The following PRSS48 variants were observed in gnomAD, a reference collection of about 807,000 sequenced individuals.
The protein encoded by PRSS48 is epidermis-specific serine protease-like protein.
In PRSS48, 21 loss-of-function variants were observed where a neutral mutation model predicts 25.6. That is an observed-to-expected ratio of 0.82 (90% CI 0.58 to 1.18). PRSS48 has a LOEUF of 1.18. PRSS48 is among the 50% of genes most tolerant of loss of function. The pLI is 0.00. For missense variants in PRSS48, 373 were observed against 399.3 expected, an observed-to-expected ratio of 0.93 and a Z score of 0.56; for synonymous variants, 150 against 149.3, an observed-to-expected ratio of 1.00 and a Z score of -0.04.
chr4:151,283,065 C>A, intron 3 of PRSS48, 52 bp from the exon 4 acceptor site: 1 of 1,559,608 alleles, frequency 6.4e-7, no homozygotes, highest in Non-Finnish European at 8.8e-7. Context: ...TGAATGCTGC[C>A]CCTGCACTTT....
At chr4:151,279,507 G>C (rs567992196) in intron 1 of PRSS48, among the ~76,000 whole-genome samples, 29 of 152,310 alleles carry the variant, frequency 1.9e-4, no homozygotes, top group Middle Eastern at 3.4e-3. Context: ...AAGGTTCTCT[G>C]TTCAGTGAAT....
intron 2 of PRSS48, among the ~76,000 whole-genome samples, chr4:151,280,715 TAGG>T (rs1262481463): frequency 6.6e-6 from 1 of 151,830 alleles, no homozygotes; most frequent in South Asian, 2.1e-4. Context: ...CACTTGAGCC[TAGG>T]AGTTCAAGGC....
Position 151,284,632 on chromosome 4 carries a change from C to A in PRSS48, c.651+1346C>A, listed in dbSNP as rs1026023072. On this transcript the variant is annotated intron_variant, in intron 4 of 4. Transcript: ENST00000455694. ...GCATTTTCCAGTTTATCTTGGAAAA[C>A]GTTTTCCTGTTGTTTTGTTTACTTT... Among the ~76,000 whole-genome samples the A allele has an allele frequency of 3.9e-5, 6 of 152,122 alleles. No individual in the cohort carries two copies. In the East Asian group the frequency reaches 1.2e-3, roughly 29 times the overall value.
intron 4 of PRSS48, among the ~76,000 whole-genome samples, chr4:151,284,429 C>T (rs1322628650): frequency 6.6e-6 from 1 of 152,194 alleles, no homozygotes; most frequent in African/African-American, 2.4e-5. Flanking sequence ...TCTCTCCTCT[C>T]ATCCACATAT....
At chr4:151,280,861 T>G (rs749920081) in intron 2 of PRSS48, among the ~76,000 whole-genome samples, 3 of 152,072 alleles carry the variant, frequency 2.0e-5, no homozygotes, top group Admixed American at 2.0e-4. Flanking sequence ...TAAAAAAAAT[T>G]TATTTCCAAC....
chr4:151,287,341 CAAAAAAA>C (rs34944826), intron 4 of PRSS48, among the ~76,000 whole-genome samples: 1 of 82,374 alleles, frequency 1.2e-5, no homozygotes, highest in African/African-American at 4.4e-5. Flanking sequence ...ACTCTGTCTC[CAAAAAAA>C]AAAAAAAAAA....
At position 151,285,890 on chromosome 4, in the gene PRSS48, T is replaced by C. The variant is rs983479110; in HGVS notation, c.651+2604T>C. 3.3e-5 allele frequency among the ~76,000 whole-genome samples: 5 copies of C among 151,238 alleles called. No homozygotes were observed. In the East Asian group the frequency reaches 9.7e-4, roughly 29 times the overall value. ...GCTCTGTCTCTTAAAAATATATATA[T>C]ACATAAATAAAACTAAAAAAAAGGC... On this transcript the variant is annotated intron_variant, in intron 4 of 4. Coordinates refer to ENST00000455694, the Ensembl canonical transcript of PRSS48.
At chr4:151,284,749 T>A (rs534615545) in intron 4 of PRSS48, among the ~76,000 whole-genome samples, 38 of 152,290 alleles carry the variant, frequency 2.5e-4, no homozygotes, top group Non-Finnish European at 5.6e-4. Context: ...GAATGTTGAT[T>A]TCCTGTTTCA....
chr4:151,288,307 T>A (rs1015354645), intron 4 of PRSS48, among the ~76,000 whole-genome samples: 1 of 152,072 alleles, frequency 6.6e-6, no homozygotes, highest in African/African-American at 2.4e-5. Flanking sequence ...TAAAAAGACA[T>A]CCAGATTGCA....
At chr4:151,291,259 A>G in exon 5 of PRSS48, 1 of 1,613,986 alleles carries the variant, frequency 6.2e-7, no homozygotes, top group Non-Finnish European at 8.5e-7. Context: ...GATTAATGCC[A>G]CTATTTCAAG....
chr4:151,288,512 C>G (rs1218324072), intron 4 of PRSS48, among the ~76,000 whole-genome samples: 1 of 152,014 alleles, frequency 6.6e-6, no homozygotes, highest in Non-Finnish European at 1.5e-5. Context: ...TTTGGGAGGC[C>G]AAGGCAGGTG....
intron 2 of PRSS48, among the ~76,000 whole-genome samples, chr4:151,281,750 TG>T (rs776376473): frequency 2.4e-4 from 36 of 152,162 alleles, no homozygotes; most frequent in Non-Finnish European, 4.4e-4. Context: ...TGTGTAACTG[TG>T]GTTATATTTT....
chr4:151,281,068 G>C (rs1237992455), intron 2 of PRSS48, among the ~76,000 whole-genome samples: 1 of 152,120 alleles, frequency 6.6e-6, no homozygotes, highest in Non-Finnish European at 1.5e-5. Flanking sequence ...AAACACAGAA[G>C]AGAATCCCTA....
chr4:151,290,507 T>C (rs560837238), intron 4 of PRSS48, among the ~76,000 whole-genome samples: 1 of 152,050 alleles, frequency 6.6e-6, no homozygotes, highest in South Asian at 2.1e-4. Context: ...AGGCAGAGAG[T>C]GGACTACTGG....
chr4:151,291,441 C>T (rs1561437040), exon 5 of PRSS48: 2 of 1,606,732 alleles, frequency 1.2e-6, no homozygotes, highest in African/African-American at 1.3e-5. Context: ...GATTTAGTCC[C>T]AGGGGCAGAT....
intron 4 of PRSS48, among the ~76,000 whole-genome samples, chr4:151,287,379 C>A (rs76167872): frequency 0.079 from 11,726 of 149,214 alleles, 528 homozygotes; most frequent in Middle Eastern, 0.12. Flanking sequence ...CACTTCCCAA[C>A]TCATTCGAGA....
chr4:151,280,337 C>G (rs1774094769), intron 2 of PRSS48, among the ~76,000 whole-genome samples: 1 of 152,094 alleles, frequency 6.6e-6, no homozygotes, highest in Non-Finnish European at 1.5e-5. Flanking sequence ...CATCTCTAGT[C>G]AACAGCGAGA....
chr4:151,277,254 G>A, intron 1 of PRSS48, 30 bp downstream of exon 1: 1 of 1,464,454 alleles, frequency 6.8e-7, no homozygotes. Context: ...TGAGAAGGCA[G>A]AGGCAGAGGA....
intron 3 of PRSS48, among the ~76,000 whole-genome samples, chr4:151,282,628 T>C (rs1398776676): frequency 3.3e-5 from 5 of 152,222 alleles, no homozygotes; most frequent in African/African-American, 1.2e-4. Flanking sequence ...TAGCTATAGC[T>C]GGAAGAGCAG....
Sources: gnomAD v4.1 joint callset for allele counts (sites outside exome capture counted in the v4.1 genomes callset) on GRCh38, gnomAD v4.1.1 for gene constraint, MANE v1.5 for transcripts, NCBI Gene and HGNC (gene_info 2026-07-23, HGNC 2026-07-21) for gene names.